Variants in DTD1 observed in about 807,000 individuals in gnomAD.
DTD1 encodes the protein D-tyrosyl-tRNA deacylase 1 homolog.
A neutral mutation model predicts 25.6 loss-of-function variants in DTD1; 13 were observed. That is an observed-to-expected ratio of 0.51 (90% confidence interval 0.33 to 0.81). DTD1 has a LOEUF of 0.81. Ranked by LOEUF, DTD1 falls within the 30% of genes least tolerant of loss-of-function variation. DTD1 has a pLI of 0.02. For synonymous variants in DTD1, 110 were observed against 103.6 expected, an observed-to-expected ratio of 1.06 and a Z score of -0.37; for missense variants, 193 against 266.4, an observed-to-expected ratio of 0.72 and a Z score of 1.92.
chr20:18,687,484 C>T (rs1378785305), intron 4 of DTD1, among the ~76,000 whole-genome samples: 1 of 152,108 alleles, frequency 6.6e-6, no homozygotes, highest in African/African-American at 2.4e-5. Flanking sequence ...ACTTAGTGAA[C>T]TGTAGGAAGT....
At chr20:18,635,607 G>A (rs2060804061) in intron 4 of DTD1, among the ~76,000 whole-genome samples, 1 of 152,230 alleles carries the variant, frequency 6.6e-6, no homozygotes, top group Non-Finnish European at 1.5e-5. Context: ...CCTTGTCAGT[G>A]CCTGGGGGAA....
At chr20:18,754,943 T>C (rs1272900536) in intron 5 of DTD1, among the ~76,000 whole-genome samples, 1 of 152,222 alleles carries the variant, frequency 6.6e-6, no homozygotes, top group Non-Finnish European at 1.5e-5. Context: ...GCCAGCCCAT[T>C]AGTGTTCCCA....
intron 4 of DTD1, among the ~76,000 whole-genome samples, chr20:18,676,016 C>T (rs1321005829): frequency 6.6e-5 from 10 of 152,220 alleles, no homozygotes; most frequent in African/African-American, 2.2e-4. Context: ...TACTATTCTG[C>T]CATAAGACAT....
chr20:18,683,792 C>G (rs570212671), intron 4 of DTD1, among the ~76,000 whole-genome samples: 1 of 152,324 alleles, frequency 6.6e-6, no homozygotes, highest in East Asian at 1.9e-4. Flanking sequence ...CTCCAGAATT[C>G]GAGCAAGCTG....
At chr20:18,750,732 T>C (rs1015395280) in intron 5 of DTD1, among the ~76,000 whole-genome samples, 1 of 152,210 alleles carries the variant, frequency 6.6e-6, no homozygotes, top group Non-Finnish European at 1.5e-5. Flanking sequence ...AGTTGAGGTT[T>C]TCTGTGAGGA....
chr20:18,654,812 C>T (rs1192577060), intron 4 of DTD1, among the ~76,000 whole-genome samples: 1 of 150,134 alleles, frequency 6.7e-6, no homozygotes, highest in African/African-American at 2.5e-5. Flanking sequence ...AAAAAAAAAT[C>T]TGTTGAATAA....
rs1250029535 is a variant in DTD1 at position 18,653,507 on chromosome 20, T to C, written c.477+25274T>C. On this transcript the variant is annotated intron_variant, in intron 4 of 5. Coordinates refer to ENST00000377452, the MANE Select transcript of DTD1 (RefSeq NM_080820.6). ...TTTTGAGTGTGAAATAAGAATACTC[T>C]AAAAATTAAAGTAAGCTTATGAAAT... is the stretch of plus-strand genomic sequence containing the variant. 2.0e-5 allele frequency among the ~76,000 whole-genome samples: 3 copies of C among 152,234 alleles called. No homozygotes were observed. In the East Asian group the frequency reaches 5.8e-4, roughly 29 times the overall value.
At chr20:18,640,999 TCTC>T (rs2122336216) in intron 4 of DTD1, among the ~76,000 whole-genome samples, 1 of 152,326 alleles carries the variant, frequency 6.6e-6, no homozygotes, top group East Asian at 1.9e-4. Flanking sequence ...CCGATTCTCT[TCTC>T]CCTTCAGCCA....
At chr20:18,623,937 G>A (rs1262909443) in intron 3 of DTD1, among the ~76,000 whole-genome samples, 13 of 145,404 alleles carry the variant, frequency 8.9e-5, no homozygotes, top group African/African-American at 3.0e-4. Context: ...GCACAATAGA[G>A]GGCATGCTAC....
At chr20:18,723,291 C>G (rs968315153) in intron 4 of DTD1, among the ~76,000 whole-genome samples, 2 of 152,168 alleles carry the variant, frequency 1.3e-5, no homozygotes, top group African/African-American at 4.8e-5. Flanking sequence ...AGTGCTAAGT[C>G]ACCTCTAGCC....
At chr20:18,634,478 C>G (rs1384986860) in intron 4 of DTD1, among the ~76,000 whole-genome samples, 1 of 152,206 alleles carries the variant, frequency 6.6e-6, no homozygotes, top group Non-Finnish European at 1.5e-5. Flanking sequence ...TTCAAGTATA[C>G]ATGTTTGAGT....
At chr20:18,606,805 A>C (rs1465338468) in intron 3 of DTD1, among the ~76,000 whole-genome samples, 1 of 141,776 alleles carries the variant, frequency 7.1e-6, no homozygotes, top group African/African-American at 2.6e-5. Flanking sequence ...GAGGGATAGC[A>C]TTGGAAGATA....
At chr20:18,615,250 C>T (rs1198133232) in intron 3 of DTD1, among the ~76,000 whole-genome samples, 2 of 152,234 alleles carry the variant, frequency 1.3e-5, no homozygotes, top group African/African-American at 4.8e-5. Flanking sequence ...CTCTAGTCTT[C>T]CACAGCTCAT....
At chr20:18,743,317 C>T (rs1241171122) in intron 4 of DTD1, among the ~76,000 whole-genome samples, 9 of 152,198 alleles carry the variant, frequency 5.9e-5, no homozygotes, top group East Asian at 3.9e-4. Flanking sequence ...GTAACTGAGA[C>T]GGTGTTCAGT....
intron 4 of DTD1, among the ~76,000 whole-genome samples, chr20:18,732,619 C>G (rs971410417): frequency 6.6e-6 from 1 of 152,174 alleles, no homozygotes; most frequent in African/African-American, 2.4e-5. Context: ...GAAGCAAAGG[C>G]GACTTCAGCA....
chr20:18,710,987 G>C (rs1278107157), intron 4 of DTD1, among the ~76,000 whole-genome samples: 1 of 152,276 alleles, frequency 6.6e-6, no homozygotes, highest in African/African-American at 2.4e-5. Context: ...TGAATTTTTC[G>C]TGAAGTTACT....
chr20:18,686,678 T>TGTGTGTGTG (rs1568668939), intron 4 of DTD1, among the ~76,000 whole-genome samples: 3 of 133,198 alleles, frequency 2.3e-5, no homozygotes, highest in African/African-American at 8.1e-5. Context: ...GTGTGTGTGG[T>TGTGTGTGTG]GTGTGTGTGC....
intron 4 of DTD1, chr20:18,632,600 C>T (rs1417635872): frequency 1.0e-6 from 1 of 984,434 alleles, no homozygotes; most frequent in Non-Finnish European, 1.2e-6. Flanking sequence ...GCTTTTAATT[C>T]TCAGTGTTTT....
chr20:18,696,027 A>G (rs76080660), intron 4 of DTD1, among the ~76,000 whole-genome samples: 3,359 of 152,140 alleles, frequency 0.022, 127 homozygotes, highest in African/African-American at 0.077. Context: ...TTTGGTGACA[A>G]TTATAATAGT....
Sources: gnomAD v4.1 joint callset for allele counts (sites outside exome capture counted in the v4.1 genomes callset) on GRCh38, gnomAD v4.1.1 for gene constraint, MANE v1.5 for transcripts, NCBI Gene and HGNC (gene_info 2026-07-23, HGNC 2026-07-21) for gene names.